Variants in PEPD observed in about 807,000 individuals in gnomAD.
The protein encoded by PEPD is xaa-Pro dipeptidase.
Under a neutral mutation model 60.7 loss-of-function variants are expected in PEPD, and 53 were observed. That is an observed-to-expected ratio of 0.87 (90% CI 0.70 to 1.10). The LOEUF (loss-of-function observed/expected upper bound fraction) is 1.10, where lower values mean the gene tolerates loss of function less well. PEPD is among the 50% of genes least tolerant of loss of function. The probability of loss-of-function intolerance (pLI) is 0.00; values close to 1 mark genes in which losing one functional copy is unlikely to be tolerated. For missense variants in PEPD, 711 were observed against 711.9 expected (o/e 1.00, Z 0.01); for synonymous variants, 267 against 284.1 (o/e 0.94, Z 0.60).
intron 7 of PEPD, among the ~76,000 whole-genome samples, chr19:33,466,247 T>C (rs956475567): frequency 9.2e-5 from 14 of 152,194 alleles, no homozygotes; most frequent in African/African-American, 3.4e-4. Flanking sequence ...ATTAAAACTC[T>C]AGGAACAACA....
chr19:33,426,112 G>A (rs1568465516), intron 9 of PEPD, among the ~76,000 whole-genome samples: 2 of 152,166 alleles, frequency 1.3e-5, no homozygotes, highest in African/African-American at 2.4e-5. Context: ...GAGCCACTGT[G>A]CCAGGCCCAG....
At chr19:33,465,832 T>C (rs548627046) in intron 7 of PEPD, among the ~76,000 whole-genome samples, 1 of 152,068 alleles carries the variant, frequency 6.6e-6, no homozygotes, top group Admixed American at 6.6e-5. Flanking sequence ...TATAGAACCC[T>C]ACACCCAGAC....
At chr19:33,442,837 C>T (rs1263417510) in intron 9 of PEPD, among the ~76,000 whole-genome samples, 1 of 152,142 alleles carries the variant, frequency 6.6e-6, no homozygotes, top group African/African-American at 2.4e-5. Flanking sequence ...TAGACACGTG[C>T]AGGGCCCACA....
At chr19:33,422,620 C>A (rs1271054203) in intron 9 of PEPD, among the ~76,000 whole-genome samples, 1 of 131,182 alleles carries the variant, frequency 7.6e-6, no homozygotes, top group African/African-American at 3.0e-5. Context: ...TCCATCCATC[C>A]CTCTATCATC....
intron 6 of PEPD, among the ~76,000 whole-genome samples, chr19:33,480,798 A>T (rs532181113): frequency 8.5e-5 from 12 of 141,262 alleles, no homozygotes; most frequent in East Asian, 6.2e-4. Context: ...CGTTTCAAAA[A>T]ATATATATAT....
At chr19:33,410,550 C>T (rs1268102586) in intron 11 of PEPD, among the ~76,000 whole-genome samples, 4 of 152,280 alleles carry the variant, frequency 2.6e-5, no homozygotes, top group Admixed American at 6.5e-5. Context: ...GGGTCCAGGC[C>T]GGTGAGCAGC....
At chr19:33,413,473 A>C in intron 10 of PEPD, 102 bp downstream of exon 10, 2 of 729,748 alleles carry the variant, frequency 2.7e-6, no homozygotes, top group East Asian at 5.4e-5. Flanking sequence ...CGTGTGAGTG[A>C]GCAAGTGTGG....
chr19:33,414,274 C>T (rs922765012), intron 9 of PEPD, among the ~76,000 whole-genome samples: 1 of 152,222 alleles, frequency 6.6e-6, no homozygotes, highest in South Asian at 2.1e-4. Flanking sequence ...GCCCACTCTA[C>T]AAGCTCCCAC....
chr19:33,431,992 C>CAAAAA (rs906879187), intron 9 of PEPD, among the ~76,000 whole-genome samples: 19 of 77,882 alleles, frequency 2.4e-4, no homozygotes, highest in East Asian at 9.1e-4. Flanking sequence ...GACACCACCT[C>CAAAAA]AAAAAAAAAA....
rs1253850333 is a variant in PEPD at position 33,387,425 on chromosome 19, G to A, written c.1401C>T (p.Cys467=). Residue 467 remains cysteine (C), a synonymous_variant, in exon 15 of 15, where the codon TGC becomes TGT. Transcript: ENST00000244137. ...CAATCTCTTCCACAGTGCGGGGCAC[G>A]CAGGTCAGCAGCTCTATGCCGCTGT... ...VTDSGIELLT[C]VPRTVEEIEA... 4.3e-6 allele frequency: 7 copies of A among 1,613,906 alleles called. No individual in the cohort carries two copies. Among genetic ancestry groups the A allele is most frequent in the East Asian group, 2.2e-5 (1 of 44,896 alleles).
intron 11 of PEPD, among the ~76,000 whole-genome samples, chr19:33,408,057 G>A (rs1432738694): frequency 6.6e-6 from 1 of 152,232 alleles, no homozygotes; most frequent in Non-Finnish European, 1.5e-5. Flanking sequence ...CCATGACTGT[G>A]GCCAACAGTG....
chr19:33,416,305 G>A lies in PEPD; in HGVS notation c.672-2662C>T. Among the ~76,000 whole-genome samples the A allele has an allele frequency of 1.3e-5, 2 of 152,178 alleles. 1 individual carries two copies. Among genetic ancestry groups the A allele is most frequent in the Non-Finnish European group, 2.9e-5 (2 of 68,028 alleles). ...AGTGGCAGCATCACAACTCCTCCAA[G>A]TGCGAGGCAGGAGGGGTCCAGCCAA... On this transcript the variant is annotated intron_variant, in intron 9 of 14. Transcript: ENST00000244137.
chr19:33,401,905 G>A lies in PEPD; in HGVS notation c.819-36C>T, dbSNP rs773751275. ...AGGAAGGCAGGGCAAGTGGGTACTG[G>A]GGTGCCACCGCCCCCTTACCCTTAC... On this transcript the variant is annotated intron_variant, in intron 11 of 14. Transcript: ENST00000244137. 7 of 1,607,260 alleles carry A rather than the reference G, an allele frequency of 4.4e-6. No individual in the cohort carries two copies. In the African/African-American group the frequency reaches 8.0e-5, roughly 18 times the overall value.
intron 8 of PEPD, among the ~76,000 whole-genome samples, chr19:33,463,560 C>T (rs1040134020): frequency 6.6e-6 from 1 of 152,158 alleles, no homozygotes; most frequent in Admixed American, 6.5e-5. Flanking sequence ...GGTCTCATTC[C>T]TCCAGTAAAG....
chr19:33,474,436 G>GTACA (rs1970179833), intron 7 of PEPD, among the ~76,000 whole-genome samples: 1 of 152,220 alleles, frequency 6.6e-6, no homozygotes, highest in Admixed American at 6.5e-5. Context: ...ACAACACCTT[G>GTACA]TACACATGGA....
rs542916087 is a variant in PEPD, at chr19:33,496,267, C to T, written c.394-2930G>A. ...AATGTGTGGGCTGATGGTTTTTCTC[C>T]GGGCGACGACTCTCAGGACATGCTG... On this transcript the variant is annotated intron_variant, in intron 4 of 14. Coordinates refer to ENST00000244137, the MANE Select transcript of PEPD (RefSeq NM_000285.4). Among the ~76,000 whole-genome samples, 8 of 152,168 alleles carry T rather than the reference C, an allele frequency of 5.3e-5. No individual in the cohort carries two copies. The South Asian group carries it at 6.2e-4, about 12-fold the overall frequency.
At chr19:33,443,470 T>G (rs946857294) in intron 9 of PEPD, among the ~76,000 whole-genome samples, 5 of 152,214 alleles carry the variant, frequency 3.3e-5, no homozygotes, top group African/African-American at 9.6e-5. Flanking sequence ...ATTCATAAGA[T>G]TATATGCTTA....
At chr19:33,443,126 T>C (rs1290625401) in intron 9 of PEPD, among the ~76,000 whole-genome samples, 2 of 152,248 alleles carry the variant, frequency 1.3e-5, no homozygotes, top group African/African-American at 2.4e-5. Context: ...TTGCCCCATC[T>C]CTGTGGACTT....
In PEPD at chr19:33,512,521, G is replaced by A. The variant is rs1230969638; in HGVS notation, c.201+72C>T. On this transcript the variant is annotated intron_variant, in intron 2 of 14. Transcript: ENST00000244137. ...AAGGGGCAGCACTGGCCAAGCTGGG[G>A]CCTCCAACTCCTGCTCAGGACAGCA... is the stretch of plus-strand genomic sequence containing the variant. 3 of 1,469,114 alleles carry A rather than the reference G, an allele frequency of 2.0e-6. No individual in the cohort carries two copies. In the East Asian group the frequency reaches 6.8e-5, roughly 33 times the overall value. The allele number at this position is 1,469,114 out of a possible 1,614,324, so 91.0% of individuals were successfully genotyped here.
Sources: allele counts gnomAD v4.1 joint callset (sites outside exome capture counted in the v4.1 genomes callset), GRCh38; gene constraint gnomAD v4.1.1; transcripts MANE v1.5; gene names NCBI Gene and HGNC (gene_info 2026-07-23, HGNC 2026-07-21).